VXN: variants seen among roughly 807,000 people sequenced by gnomAD.
VXN encodes uncharacterized protein C8orf46.
A neutral mutation model predicts 23.1 loss-of-function variants in VXN; 7 were observed. That is an observed-to-expected ratio of 0.30 (90% CI 0.17 to 0.57). VXN has a LOEUF of 0.57. VXN is among the 20% of genes least tolerant of loss of function. The probability of loss-of-function intolerance (pLI) is 0.91; values close to 1 mark genes in which losing one functional copy is unlikely to be tolerated. For missense variants in VXN, 238 were observed against 272.6 expected, an observed-to-expected ratio of 0.87 and a Z score of 0.89; for synonymous variants, 120 against 105.8, an observed-to-expected ratio of 1.13 and a Z score of -0.83.
intron 2 of VXN, among the ~76,000 whole-genome samples, 198 bp downstream of exon 2, chr8:66,496,690 C>G (rs899492634): frequency 1.3e-5 from 2 of 152,204 alleles, no homozygotes; most frequent in African/African-American, 4.8e-5. Flanking sequence ...TGACCCTGAA[C>G]TGGACCACTT....
Position 66,517,761 on chromosome 8 carries a change from T to G in VXN, c.*1685T>G, listed in dbSNP as rs1433742993. The G allele has an allele frequency of 1.3e-5, 2 of 152,264 alleles. No homozygotes were observed. Among genetic ancestry groups the G allele is most frequent in the African/African-American group, 4.8e-5 (2 of 41,466 alleles). 9.4% of individuals were successfully genotyped at this position (152,264 alleles called of 1,614,324 possible). A position where few individuals can be genotyped will look rare whatever the true frequency, so the allele number is the denominator to read the frequency against. ...TAAAACCAGAGATCCTATGGGAAAT[T>G]TAGCCTAAGACAGTGCTGGAAATTG... On this transcript the variant is annotated 3_prime_UTR_variant, in exon 6 of 6. Transcript: ENST00000305454.
chr8:66,514,255 G>T (rs1021700026), intron 5 of VXN: 47 of 152,330 alleles, frequency 3.1e-4, no homozygotes, highest in African/African-American at 1.0e-3. Flanking sequence ...GTTTCAGGGT[G>T]GTGAAGGGTT....
intron 3 of VXN, among the ~76,000 whole-genome samples, chr8:66,509,863 T>C (rs1395570685): frequency 6.6e-6 from 1 of 152,072 alleles, no homozygotes; most frequent in Non-Finnish European, 1.5e-5. Context: ...TTTGTGATAG[T>C]CAATGAACCT....
chr8:66,513,755 A>C, intron 5 of VXN, 118 bp downstream of exon 5: 1 of 690,602 alleles, frequency 1.4e-6, no homozygotes, highest in Non-Finnish European at 2.5e-6. Flanking sequence ...ACACAAACCC[A>C]TGCCAGCTGC....
chr8:66,502,629 C>T (rs575982982), intron 2 of VXN, among the ~76,000 whole-genome samples: 43 of 152,160 alleles, frequency 2.8e-4, no homozygotes, highest in African/African-American at 7.5e-4. Context: ...CGCCTGTAGT[C>T]CTAGCTACTT....
intron 4 of VXN, among the ~76,000 whole-genome samples, chr8:66,511,389 T>C: frequency 6.6e-6 from 1 of 152,238 alleles, no homozygotes; most frequent in South Asian, 2.1e-4. Flanking sequence ...TGGACAGAGA[T>C]ATGGGTGCTT....
chr8:66,515,987 G>T lies in VXN; in HGVS notation c.535G>T (p.Val179Phe), dbSNP rs758981792. The T allele has an allele frequency of 8.7e-6, 14 of 1,613,832 alleles. No individual in the cohort carries two copies. The highest frequency in any genetic ancestry group is 1.2e-5 in the Non-Finnish European group (14 of 1,179,968). The stretch of plus-strand genomic sequence containing the variant: ...ACTGACAGGCAGTGCTTCCTGCGGC[G>T]TCCCCGGCATCCTCCGGAAAATGTG... The part of the protein sequence containing the change: ...LPLTGSASCG[V>F]PGILRKMWTR... Residue 179 changes from valine to phenylalanine, a missense_variant, in exon 6 of 6, where the codon GTC becomes TTC. By Grantham distance (50) the Val-to-Phe change is conservative. Around this residue, in one of 2 missense-constraint regions of VXN, gnomAD observed 223 missense variants for 236.9 expected, o/e 0.94. Coordinates refer to ENST00000305454, the MANE Select transcript of VXN (RefSeq NM_152765.4).
At position 66,516,219 on chromosome 8, in the gene VXN, G is replaced by A; in HGVS notation, c.*143G>A. Reference sequence around the variant, plus strand: ...CCTCCCTCACTCATTGATTACCCTGGGATAGGGCACAGGAAAGAAATGTCC... The same window carrying A: ...CCTCCCTCACTCATTGATTACCCTGAGATAGGGCACAGGAAAGAAATGTCC... On this transcript the variant is annotated 3_prime_UTR_variant, in exon 6 of 6. Transcript: ENST00000305454. 1 of 660,376 alleles carries A rather than the reference G, an allele frequency of 1.5e-6. No individual in the cohort carries two copies. Among genetic ancestry groups the A allele is most frequent in the Non-Finnish European group, 2.4e-6 (1 of 422,532 alleles). The allele number at this position is 660,376 out of a possible 1,614,324, so 40.9% of individuals were successfully genotyped here.
At chr8:66,497,913 A>G (rs1352889759) in intron 2 of VXN, among the ~76,000 whole-genome samples, 1 of 152,014 alleles carries the variant, frequency 6.6e-6, no homozygotes, top group African/African-American at 2.4e-5. Flanking sequence ...CACGCCTGTA[A>G]TCCTAGCACT....
chr8:66,513,446 T>C, intron 4 of VXN, 94 bp from the exon 5 acceptor site: 11 of 1,010,398 alleles, frequency 1.1e-5, no homozygotes, highest in Non-Finnish European at 1.6e-5. Flanking sequence ...CGGTGGTGGT[T>C]CCATTCAGTC....
chr8:66,501,976 C>A (rs1807697028), intron 2 of VXN, among the ~76,000 whole-genome samples: 2 of 152,134 alleles, frequency 1.3e-5, no homozygotes. Flanking sequence ...TTCCTATGTC[C>A]TCAAATTTGT....
rs1807589733 is a variant in VXN, at chr8:66,493,653, T to C, written c.5T>C (p.Met2Thr). 7 of 1,613,394 alleles carry C rather than the reference T, an allele frequency of 4.3e-6. No individual in the cohort carries two copies. The East Asian group carries it at 1.6e-4, about 36-fold the overall frequency. Reference sequence around the variant, plus strand: ...CTTCGGGAAGAGGAGGCTGAAATGATGCATCAGATTTACAGCTGCAGTGAC... The same window carrying C: ...CTTCGGGAAGAGGAGGCTGAAATGACGCATCAGATTTACAGCTGCAGTGAC... M[M>T]HQIYSCSDEN... Residue 2 changes from methionine to threonine, a missense_variant, in exon 1 of 6, where the codon ATG becomes ACG. Met to Thr is a moderately conservative substitution (Grantham distance 81). Coordinates refer to ENST00000305454, the MANE Select transcript of VXN (RefSeq NM_152765.4).
intron 3 of VXN, among the ~76,000 whole-genome samples, chr8:66,506,207 C>CAGAGAG (rs150065293): frequency 1.6e-4 from 23 of 140,100 alleles, no homozygotes; most frequent in African/African-American, 6.2e-4. Context: ...ATTTATTTAA[C>CAGAGAG]AGAGAGAGAG....
chr8:66,505,614 G>C (rs1464675232), intron 3 of VXN, 86 bp downstream of exon 3: 68 of 1,390,870 alleles, frequency 4.9e-5, no homozygotes, highest in Non-Finnish European at 6.3e-5. Flanking sequence ...TCAGGGCAGC[G>C]TTGGCGGTGG....
At chr8:66,509,824 C>T (rs1272043582) in intron 3 of VXN, among the ~76,000 whole-genome samples, 1 of 151,972 alleles carries the variant, frequency 6.6e-6, no homozygotes, top group Non-Finnish European at 1.5e-5. Flanking sequence ...CAGCCTCCCC[C>T]CATCAACATC....
intron 4 of VXN, among the ~76,000 whole-genome samples, chr8:66,512,502 C>G (rs1807836217): frequency 6.6e-6 from 1 of 152,182 alleles, no homozygotes. Flanking sequence ...GGGAAGAACA[C>G]AGCACAGAGT....
In VXN at chr8:66,518,177, C is replaced by T. The variant is rs1807918249; in HGVS notation, c.*2101C>T. 1 of 152,190 alleles carries T rather than the reference C, an allele frequency of 6.6e-6. No homozygotes were observed. Among genetic ancestry groups the T allele is most frequent in the Non-Finnish European group, 1.5e-5 (1 of 68,032 alleles). The allele number at this position is 152,190 out of a possible 1,614,324, so 9.4% of individuals were successfully genotyped here. ...CCTATGCTGGTCGTAACAGAGGATCCTACAATTACGTTTGTTTTTAAGACA... is the reference window on the plus strand; with the variant it reads ...CCTATGCTGGTCGTAACAGAGGATCTTACAATTACGTTTGTTTTTAAGACA... On this transcript the variant is annotated 3_prime_UTR_variant, in exon 6 of 6. Transcript: ENST00000305454.
At chr8:66,505,244 T>C in intron 2 of VXN, 131 bp from the exon 3 acceptor site, 1 of 1,244,144 alleles carries the variant, frequency 8.0e-7, no homozygotes, top group Non-Finnish European at 1.2e-6. Flanking sequence ...TTCCTAGAAT[T>C]CACTGGAATC....
At chr8:66,511,955 A>C (rs766736971) in intron 4 of VXN, among the ~76,000 whole-genome samples, 132 of 151,746 alleles carry the variant, frequency 8.7e-4, no homozygotes, top group Non-Finnish European at 6.9e-4. Flanking sequence ...GATCCCAGCT[A>C]CTCGGGAGGC....
Sources: gnomAD v4.1 joint callset for allele counts (sites outside exome capture counted in the v4.1 genomes callset) on GRCh38, gnomAD v4.1.1 for gene constraint, gnomAD v4.1.1 regional missense constraint, MANE v1.5 for transcripts, NCBI Gene and HGNC (gene_info 2026-07-23, HGNC 2026-07-21) for gene names.